MGAT4D: variants seen among roughly 807,000 people sequenced by gnomAD.
MGAT4D encodes the protein alpha-1,3-mannosyl-glycoprotein 4-beta-N-acetylglucosaminyltransferase-like protein MGAT4D.
Under a neutral mutation model 15.9 loss-of-function variants are expected in MGAT4D, and 34 were observed. The observed-to-expected ratio is 2.14, with a 90% CI of 1.62 to 2.84. MGAT4D has a LOEUF of 2.84. Among genes scored for constraint, MGAT4D ranks in the 30% most tolerant of loss-of-function variants. The pLI is 0.00. For synonymous variants in MGAT4D, 112 were observed against 48.2 expected (o/e 2.33, Z -5.49); for missense variants, 327 against 140.2 (o/e 2.33, Z -6.73).
chr4:140,469,003 G>T (rs1351182232), intron 5 of MGAT4D, among the ~76,000 whole-genome samples: 1 of 152,010 alleles, frequency 6.6e-6, no homozygotes, highest in Non-Finnish European at 1.5e-5. Flanking sequence ...CTCCTGCCTT[G>T]CTTCATCAGC....
intron 9 of MGAT4D, among the ~76,000 whole-genome samples, chr4:140,455,155 G>T (rs1730719290): frequency 1.3e-5 from 2 of 151,870 alleles, no homozygotes; most frequent in Non-Finnish European, 1.5e-5. Flanking sequence ...GTTTGTTAAT[G>T]TAGAAGTGGA....
intron 10 of MGAT4D, among the ~76,000 whole-genome samples, chr4:140,445,709 G>T (rs1183668321): frequency 6.6e-6 from 1 of 152,126 alleles, no homozygotes. Context: ...TTTTGTATAT[G>T]GTGTAAGGAA....
At chr4:140,472,055 C>T (rs957681200) in intron 4 of MGAT4D, among the ~76,000 whole-genome samples, 1 of 151,882 alleles carries the variant, frequency 6.6e-6, no homozygotes, top group Non-Finnish European at 1.5e-5. Context: ...TGAAATATTA[C>T]AATCCAAAAT....
intron 2 of MGAT4D, among the ~76,000 whole-genome samples, chr4:140,481,577 G>A (rs944357269): frequency 6.6e-6 from 1 of 152,188 alleles, no homozygotes; most frequent in African/African-American, 2.4e-5. Flanking sequence ...TTCAACTGGT[G>A]AGAGGATAAA....
chr4:140,455,585 T>C (rs919894581), intron 9 of MGAT4D, among the ~76,000 whole-genome samples: 1 of 152,182 alleles, frequency 6.6e-6, no homozygotes, highest in Non-Finnish European at 1.5e-5. Flanking sequence ...AGTTGGCAGA[T>C]GGTGTTGTTC....
chr4:140,480,728 A>AACACACACACACACACACAC (rs10615827), intron 2 of MGAT4D, among the ~76,000 whole-genome samples: 2 of 125,600 alleles, frequency 1.6e-5, no homozygotes, highest in Non-Finnish European at 3.4e-5. Context: ...CTCATCTCTA[A>AACACACACACACACACACAC]ACACACACAC....
intron 6 of MGAT4D, among the ~76,000 whole-genome samples, chr4:140,464,466 T>G (rs1047874008): frequency 2.0e-5 from 3 of 152,318 alleles, no homozygotes; most frequent in African/African-American, 7.2e-5. Flanking sequence ...AAGGTGAAAT[T>G]ACCTGCCTAC....
At position 140,485,810 on chromosome 4, in the gene MGAT4D, T is replaced by TAAAAAAAAAAA. The variant is rs61131099; in HGVS notation, c.95-3336_95-3326dup. Among the ~76,000 whole-genome samples the TAAAAAAAAAAA allele has an allele frequency of 5.8e-3, 76 of 13,024 alleles. 18 individuals carry two copies. The highest frequency in any genetic ancestry group is 0.011 in the East Asian group (3 of 280). The allele number at this position is 13,024 out of a possible 152,430, so 8.5% of individuals were successfully genotyped here. ...TGAGCAACAGAGCAAGACCCTGTCT[T>TAAAAAAAAAAA]AAAAAAAAAAAAAAAAAAAAAAAAA... On this transcript the variant is annotated intron_variant, in intron 1 of 10. Coordinates refer to ENST00000511113, the MANE Select transcript of MGAT4D (RefSeq NM_001277353.2).
chr4:140,450,547 T>C (rs1232044977), intron 10 of MGAT4D, among the ~76,000 whole-genome samples: 1 of 152,220 alleles, frequency 6.6e-6, no homozygotes, highest in Non-Finnish European at 1.5e-5. Flanking sequence ...TAACATTTAC[T>C]GAGTTCACAT....
At chr4:140,461,709 T>C (rs1206912046) in intron 7 of MGAT4D, among the ~76,000 whole-genome samples, 1 of 152,140 alleles carries the variant, frequency 6.6e-6, no homozygotes, top group Non-Finnish European at 1.5e-5. Context: ...AGAATATTCA[T>C]ATATAATCAA....
In MGAT4D at chr4:140,490,258, C is replaced by T. The variant is rs568148072; in HGVS notation, c.95-7773G>A. On this transcript the variant is annotated intron_variant, in intron 1 of 10. Coordinates refer to ENST00000511113, the MANE Select transcript of MGAT4D (RefSeq NM_001277353.2). ...ACAAGACCAGCCCAAACCAGACCTACTTTGTTGAAAGGTGTCCAGTTACCT... is the reference window on the plus strand; with the variant it reads ...ACAAGACCAGCCCAAACCAGACCTATTTTGTTGAAAGGTGTCCAGTTACCT... 1.5e-4 allele frequency among the ~76,000 whole-genome samples: 23 copies of T among 152,288 alleles called. No individual in the cohort carries two copies. The South Asian group carries it at 1.9e-3, about 12-fold the overall frequency.
At chr4:140,456,428 T>C (rs1169210544) in intron 9 of MGAT4D, among the ~76,000 whole-genome samples, 161 bp downstream of exon 9, 1 of 152,054 alleles carries the variant, frequency 6.6e-6, no homozygotes, top group Non-Finnish European at 1.5e-5. Context: ...GGGTCTCTCA[T>C]TACTTCATTT....
Position 140,451,523 on chromosome 4 carries a change from GA to G in MGAT4D, c.1009-7del. On this transcript the variant is annotated splice_region_variant and splice_polypyrimidine_tract_variant and intron_variant, in intron 9 of 10. Transcript: ENST00000511113. Reference sequence around the variant, plus strand: ...TTTCGTTTCATACAGTTTCTCTGGGGAAAAAGAAACAACAATCTTCTGTAAA... The same window carrying G: ...TTTCGTTTCATACAGTTTCTCTGGGGAAAAGAAACAACAATCTTCTGTAAA... The G allele has an allele frequency of 1.5e-5, 8 of 527,458 alleles. No homozygotes were observed. Among genetic ancestry groups the G allele is most frequent in the East Asian group, 3.2e-5 (1 of 31,710 alleles). 32.7% of individuals were successfully genotyped at this position (527,458 alleles called of 1,614,324 possible). A position where few individuals can be genotyped will look rare whatever the true frequency, so the allele number is the denominator to read the frequency against.
intron 1 of MGAT4D, among the ~76,000 whole-genome samples, chr4:140,484,599 T>C (rs1732971965): frequency 6.6e-6 from 1 of 152,034 alleles, no homozygotes; most frequent in African/African-American, 2.4e-5. Flanking sequence ...GAAACTACCA[T>C]CAGAGCGAAC....
In MGAT4D at chr4:140,463,508, G is replaced by A. The variant is rs964474540; in HGVS notation, c.686+1388C>T. On this transcript the variant is annotated intron_variant, in intron 6 of 10. Coordinates refer to ENST00000511113, the MANE Select transcript of MGAT4D (RefSeq NM_001277353.2). ...GGCAAGAGCTCATCCCTGCTCGTAG[G>A]GTTGCCTGGATATAAACTCACCCAA... 2.0e-5 allele frequency among the ~76,000 whole-genome samples: 3 copies of A among 152,060 alleles called. 1 individual carries two copies. The South Asian group carries it at 6.2e-4, about 32-fold the overall frequency.
chr4:140,443,208 G>A lies in MGAT4D; in HGVS notation c.*228C>T. The stretch of plus-strand genomic sequence containing the variant: ...TTCTTAATTTAAAAAAAACTTCCTT[G>A]CCTTTAGTATTTTTAAATTAAATTG... On this transcript the variant is annotated 3_prime_UTR_variant, in exon 11 of 11. Transcript: ENST00000511113. 1 of 231,174 alleles carries A rather than the reference G, an allele frequency of 4.3e-6. No individual in the cohort carries two copies. Among genetic ancestry groups the A allele is most frequent in the Non-Finnish European group, 8.2e-6 (1 of 121,586 alleles). 14.3% of individuals were successfully genotyped at this position (231,174 alleles called of 1,614,324 possible). A position where few individuals can be genotyped will look rare whatever the true frequency, so the allele number is the denominator to read the frequency against.
At chr4:140,457,847 C>T (rs1339595696) in intron 8 of MGAT4D, 1 of 152,066 alleles carries the variant, frequency 6.6e-6, no homozygotes, top group Non-Finnish European at 1.5e-5. Flanking sequence ...TTACTGTTAA[C>T]AATAATTTTC....
chr4:140,494,795 G>C (rs1733729805), intron 1 of MGAT4D, among the ~76,000 whole-genome samples: 1 of 152,088 alleles, frequency 6.6e-6, no homozygotes, highest in South Asian at 2.1e-4. Flanking sequence ...GTTGCTCCTG[G>C]CATATCCTGG....
chr4:140,477,933 A>G (rs1354163333), intron 3 of MGAT4D, among the ~76,000 whole-genome samples: 2 of 152,268 alleles, frequency 1.3e-5, no homozygotes, highest in Non-Finnish European at 2.9e-5. Context: ...GGGGCTACAG[A>G]GAGCAGAAAT....
Sources: gnomAD v4.1 joint callset for allele counts (sites outside exome capture counted in the v4.1 genomes callset) on GRCh38, gnomAD v4.1.1 for gene constraint, MANE v1.5 for transcripts, NCBI Gene and HGNC (gene_info 2026-07-23, HGNC 2026-07-21) for gene names.